Variants in FHOD3 observed in about 807,000 individuals in gnomAD.
The protein encoded by FHOD3 is FH1/FH2 domain-containing protein 3.
A neutral mutation model predicts 173.0 loss-of-function variants in FHOD3; 90 were observed. The ratio of observed to expected loss-of-function variants is 0.52; its 90% CI spans 0.44 to 0.62. FHOD3 has a LOEUF of 0.62. Among genes scored for constraint, FHOD3 ranks in the 20% least tolerant of loss-of-function variants. The pLI, the probability that FHOD3 is intolerant of heterozygous loss-of-function variation, is 0.00. For missense variants in FHOD3, 1,945 were observed against 2,034.7 expected, an observed-to-expected ratio of 0.96 and a Z score of 0.85; for synonymous variants, 828 against 823.0, an observed-to-expected ratio of 1.01 and a Z score of -0.10.
Position 36,773,986 on chromosome 18 carries a change from C to T in FHOD3, c.4786+4560C>T, listed in dbSNP as rs10221377. ...AAGGGGAAAGGCAGTTTTGTCCTGC[C>T]CAGAACTTAAAATATTGTGGAAAAC... On this transcript the variant is annotated intron_variant, in intron 28 of 28. Coordinates refer to ENST00000590592, the MANE Select transcript of FHOD3 (RefSeq NM_001281740.3). Among the ~76,000 whole-genome samples, 302 of 152,272 alleles carry T rather than the reference C, an allele frequency of 2.0e-3. 3 individuals are homozygous for T. The highest frequency in any genetic ancestry group is 6.7e-3 in the African/African-American group (278 of 41,536).
chr18:36,582,475 G>A (rs565659509), intron 6 of FHOD3, among the ~76,000 whole-genome samples: 56 of 152,300 alleles, frequency 3.7e-4, no homozygotes, highest in African/African-American at 1.1e-3. Context: ...AGGTTGCCCA[G>A]GAATACTGTT....
chr18:36,717,880 G>T lies in FHOD3; in HGVS notation c.2582G>T (p.Gly861Val). The T allele has an allele frequency of 1.2e-6, 2 of 1,610,382 alleles. No homozygotes were observed. Among genetic ancestry groups the T allele is most frequent in the African/African-American group, 1.3e-5 (1 of 74,976 alleles). ...GATGCAGGTGTAAATGGACAGTGTG[G>T]CGACATCCTCACCAACAAACGGTTC... ...VQDAGVNGQC[G>V]DILTNKRFML... The change falls in exon 19 of 29, where the codon GGC becomes GTC. Residue 861 changes from glycine (G) to valine (V), a missense_variant. Gly to Val is a moderately radical substitution (Grantham distance 109, BLOSUM62 -3). Coordinates refer to ENST00000590592, the MANE Select transcript of FHOD3 (RefSeq NM_001281740.3).
intron 9 of FHOD3, among the ~76,000 whole-genome samples, chr18:36,623,724 G>A (rs1394549746): frequency 6.6e-6 from 1 of 152,210 alleles, no homozygotes; most frequent in African/African-American, 2.4e-5. Context: ...ACCTATGGGA[G>A]TTTGTTATAA....
intron 3 of FHOD3, among the ~76,000 whole-genome samples, chr18:36,468,040 A>C (rs1188642995): frequency 6.6e-6 from 1 of 152,226 alleles, no homozygotes; most frequent in Non-Finnish European, 1.5e-5. Flanking sequence ...TGGGGTTCCC[A>C]TGTACTTCCC....
chr18:36,404,828 G>T (rs142942294), intron 3 of FHOD3, among the ~76,000 whole-genome samples: 12 of 152,274 alleles, frequency 7.9e-5, no homozygotes, highest in African/African-American at 2.9e-4. Flanking sequence ...AGTGCTTTTA[G>T]CTTTCGTCGC....
At chr18:36,760,377 A>G (rs2042817361) in intron 26 of FHOD3, among the ~76,000 whole-genome samples, 1 of 152,196 alleles carries the variant, frequency 6.6e-6, no homozygotes, top group Non-Finnish European at 1.5e-5. Context: ...GCTACAATGG[A>G]TGAATGGGTG....
chr18:36,652,414 G>A (rs561552357), intron 11 of FHOD3, among the ~76,000 whole-genome samples, 156 bp from the exon 12 acceptor site: 2 of 152,368 alleles, frequency 1.3e-5, no homozygotes, highest in South Asian at 4.1e-4. Flanking sequence ...CTGGTGACAG[G>A]CTTTTATGCT....
intron 27 of FHOD3, among the ~76,000 whole-genome samples, chr18:36,767,775 T>C (rs1432435278): frequency 6.6e-6 from 1 of 152,210 alleles, no homozygotes; most frequent in Admixed American, 6.5e-5. Flanking sequence ...TCAGAAATTA[T>C]GACTACTTTA....
rs114323922 is a variant in FHOD3, at chr18:36,365,485, G to A, written c.273-7195G>A. Among the ~76,000 whole-genome samples the A allele has an allele frequency of 7.0e-3, 1,069 of 152,322 alleles. 9 individuals carry two copies. Among genetic ancestry groups the A allele is most frequent in the African/African-American group, 0.024 (1,018 of 41,574 alleles). On this transcript the variant is annotated intron_variant, in intron 2 of 28. Transcript: ENST00000590592. ...GAAAAGACACATCTCTAGAGGGACA[G>A]AGTAGATTGGTGGTTGCCTCTTGCT... is the stretch of plus-strand genomic sequence containing the variant.
chr18:36,666,502 T>A (rs1244124193), intron 14 of FHOD3, among the ~76,000 whole-genome samples: 1 of 152,236 alleles, frequency 6.6e-6, no homozygotes, highest in Non-Finnish European at 1.5e-5. Context: ...CTCAATTTCA[T>A]AGCCAGGTTG....
chr18:36,331,762 G>T (rs549843751), intron 1 of FHOD3, among the ~76,000 whole-genome samples: 41 of 152,244 alleles, frequency 2.7e-4, no homozygotes, highest in Non-Finnish European at 4.9e-4. Context: ...CAGGAGGGGT[G>T]GGGGAGCTGC....
intron 3 of FHOD3, among the ~76,000 whole-genome samples, chr18:36,386,742 C>A (rs771363780): frequency 6.6e-6 from 1 of 152,178 alleles, no homozygotes; most frequent in African/African-American, 2.4e-5. Flanking sequence ...TGCCTCCCCT[C>A]GGCTGTCCCC....
intron 5 of FHOD3, among the ~76,000 whole-genome samples, chr18:36,522,413 C>T (rs1039573579): frequency 3.3e-5 from 5 of 152,070 alleles, no homozygotes; most frequent in Admixed American, 6.6e-5. Flanking sequence ...CAAAAAATGC[C>T]GATGTACTAA....
intron 5 of FHOD3, among the ~76,000 whole-genome samples, chr18:36,544,040 C>T (rs946159445): frequency 6.6e-6 from 1 of 152,202 alleles, no homozygotes; most frequent in African/African-American, 2.4e-5. Flanking sequence ...ATATAGGCTT[C>T]TGGCACAAGG....
At chr18:36,681,926 A>G (rs1447654707) in intron 15 of FHOD3, among the ~76,000 whole-genome samples, 1 of 152,176 alleles carries the variant, frequency 6.6e-6, no homozygotes, top group Non-Finnish European at 1.5e-5. Context: ...TTCATATTCT[A>G]TCAGATGCCC....
chr18:36,578,985 T>C (rs1420599173), intron 6 of FHOD3, among the ~76,000 whole-genome samples: 1 of 152,156 alleles, frequency 6.6e-6, no homozygotes, highest in Admixed American at 6.5e-5. Context: ...CTATGGAAAA[T>C]GGAAGTGACT....
intron 3 of FHOD3, among the ~76,000 whole-genome samples, chr18:36,472,305 T>G (rs2053328130): frequency 6.6e-6 from 1 of 152,242 alleles, no homozygotes; most frequent in Admixed American, 6.5e-5. Flanking sequence ...CCTTGTAGAA[T>G]ACTCCTGTGT....
chr18:36,340,947 T>C (rs528215644), intron 1 of FHOD3, among the ~76,000 whole-genome samples: 2 of 152,322 alleles, frequency 1.3e-5, no homozygotes, highest in Admixed American at 6.5e-5. Context: ...AGTCTCCTTT[T>C]CTTTGATGCA....
intron 3 of FHOD3, among the ~76,000 whole-genome samples, chr18:36,457,735 C>G (rs28524632): frequency 1.1e-3 from 172 of 152,212 alleles, no homozygotes; most frequent in African/African-American, 4.0e-3. Context: ...CCTGCTCTTT[C>G]TTGATTTCTC....
Sources: allele counts gnomAD v4.1 joint callset (sites outside exome capture counted in the v4.1 genomes callset), GRCh38; gene constraint gnomAD v4.1.1; transcripts MANE v1.5; gene names NCBI Gene and HGNC (gene_info 2026-07-23, HGNC 2026-07-21).